LRRC4C: variants seen among roughly 807,000 people sequenced by gnomAD.
The protein encoded by LRRC4C is leucine rich repeat containing 4C.
A neutral mutation model predicts 33.6 loss-of-function variants in LRRC4C; 5 were observed. The observed-to-expected ratio is 0.15, with a 90% CI of 0.08 to 0.31. The LOEUF (loss-of-function observed/expected upper bound fraction) is 0.31, where lower values mean the gene tolerates loss of function less well. Among genes scored for constraint, LRRC4C ranks in the 10% least tolerant of loss-of-function variants. The pLI is 1.00. For missense variants in LRRC4C, 560 were observed against 796.7 expected (o/e 0.70, Z 3.58); for synonymous variants, 329 against 302.0 (o/e 1.09, Z -0.93).
rs552403155 is a variant in LRRC4C at position 41,439,158 on chromosome 11, C to T, written c.-496+20273G>A. ...CCTTGTAAATTCCTGATTCATTTCA[C>T]GTAGGATAATGGTCTCCAACTGCAT... On this transcript the variant is annotated intron_variant, in intron 1 of 6. Coordinates refer to ENST00000528697, the MANE Select transcript of LRRC4C (RefSeq NM_001258419.2). 1.8e-3 allele frequency among the ~76,000 whole-genome samples: 272 copies of T among 152,218 alleles called. 1 individual carries two copies. The highest frequency in any genetic ancestry group is 6.1e-3 in the African/African-American group (253 of 41,544).
At chr11:41,370,838 G>A (rs1406137442) in intron 1 of LRRC4C, among the ~76,000 whole-genome samples, 2 of 152,030 alleles carry the variant, frequency 1.3e-5, no homozygotes, top group African/African-American at 2.4e-5. Flanking sequence ...ACCACGCTTG[G>A]CCCACGTTAT....
At chr11:41,327,764 T>A (rs2137336028) in intron 1 of LRRC4C, among the ~76,000 whole-genome samples, 1 of 152,222 alleles carries the variant, frequency 6.6e-6, no homozygotes, top group Middle Eastern at 3.4e-3. Context: ...TGAATAAGTG[T>A]CATGAGATCT....
At chr11:41,316,180 C>T (rs1425670423) in intron 1 of LRRC4C, among the ~76,000 whole-genome samples, 1 of 146,108 alleles carries the variant, frequency 6.8e-6, no homozygotes, top group African/African-American at 2.5e-5. Context: ...GAATGATGTG[C>T]TCTTTCTCTA....
chr11:41,050,341 G>A (rs1858110737), intron 1 of LRRC4C, among the ~76,000 whole-genome samples: 2 of 152,108 alleles, frequency 1.3e-5, no homozygotes, highest in African/African-American at 2.4e-5. Context: ...CATGGGCCAT[G>A]TTACGTAGCT....
At chr11:40,213,084 C>T (rs980513221) in intron 5 of LRRC4C, among the ~76,000 whole-genome samples, 3 of 152,042 alleles carry the variant, frequency 2.0e-5, no homozygotes, top group Non-Finnish European at 2.9e-5. Flanking sequence ...ACCATAACTT[C>T]GGAGCAAAAC....
intron 1 of LRRC4C, among the ~76,000 whole-genome samples, chr11:40,954,700 T>C (rs1194603247): frequency 6.6e-6 from 1 of 151,884 alleles, no homozygotes; most frequent in Non-Finnish European, 1.5e-5. Flanking sequence ...ATTAATGCAA[T>C]AATAGAGTGA....
At chr11:41,157,677 C>CACAGCTT (rs1406761919) in intron 1 of LRRC4C, among the ~76,000 whole-genome samples, 1 of 152,106 alleles carries the variant, frequency 6.6e-6, no homozygotes, top group Non-Finnish European at 1.5e-5. Context: ...AAAATAAGCA[C>CACAGCTT]ACAGCTTTAT....
At chr11:40,975,523 G>A (rs1852021590) in intron 1 of LRRC4C, among the ~76,000 whole-genome samples, 1 of 152,160 alleles carries the variant, frequency 6.6e-6, no homozygotes, top group African/African-American at 2.4e-5. Context: ...TCATGATGAA[G>A]TTAAGTAGCC....
intron 2 of LRRC4C, among the ~76,000 whole-genome samples, chr11:40,843,569 T>A (rs2135671944): frequency 6.6e-6 from 1 of 152,328 alleles, no homozygotes; most frequent in Admixed American, 6.5e-5. Context: ...GGCAGAGAGC[T>A]TTCTCTATTC....
intron 3 of LRRC4C, among the ~76,000 whole-genome samples, chr11:40,576,023 T>C (rs1393983292): frequency 6.6e-6 from 1 of 152,220 alleles, no homozygotes; most frequent in East Asian, 1.9e-4. Context: ...TCATTTTCTT[T>C]TATTATCTTT....
intron 3 of LRRC4C, among the ~76,000 whole-genome samples, chr11:40,480,115 G>T (rs905089790): frequency 5.3e-5 from 8 of 152,088 alleles, no homozygotes; most frequent in Non-Finnish European, 1.2e-4. Flanking sequence ...CCATAAAACA[G>T]AGATATAAAG....
intron 3 of LRRC4C, among the ~76,000 whole-genome samples, chr11:40,605,775 C>G (rs1387093830): frequency 1.3e-5 from 2 of 152,192 alleles, no homozygotes; most frequent in African/African-American, 4.8e-5. Context: ...TGAACTAATA[C>G]TCTCTTCCTC....
At chr11:40,211,714 A>C (rs1017772666) in intron 5 of LRRC4C, among the ~76,000 whole-genome samples, 1 of 152,198 alleles carries the variant, frequency 6.6e-6, no homozygotes, top group Non-Finnish European at 1.5e-5. Flanking sequence ...CAAATGAGAT[A>C]TAAGCCAAAA....
chr11:40,967,963 C>A (rs1158592608), intron 1 of LRRC4C, among the ~76,000 whole-genome samples: 1 of 151,732 alleles, frequency 6.6e-6, no homozygotes, highest in Non-Finnish European at 1.5e-5. Context: ...CACTTTAAAT[C>A]CAAAGGTAGA....
chr11:40,494,115 G>A lies in LRRC4C; in HGVS notation c.-270+154027C>T, dbSNP rs1479339083. Among the ~76,000 whole-genome samples the A allele has an allele frequency of 3.3e-5, 5 of 151,998 alleles. No homozygotes were observed. In the East Asian group the frequency reaches 5.8e-4, roughly 18 times the overall value. ...AATCCTTCTCCATATTGCTACCATC[G>A]TGGGGTTCCACCATTCCCTCCACTT... On this transcript the variant is annotated intron_variant, in intron 3 of 6. Transcript: ENST00000528697.
At chr11:41,019,694 CTT>C (rs1228704596) in intron 1 of LRRC4C, among the ~76,000 whole-genome samples, 1 of 152,104 alleles carries the variant, frequency 6.6e-6, no homozygotes, top group African/African-American at 2.4e-5. Context: ...TGTTTCCTGA[CTT>C]TTTAATAATT....
chr11:41,265,822 A>G (rs1342770784), intron 1 of LRRC4C, among the ~76,000 whole-genome samples: 1 of 151,994 alleles, frequency 6.6e-6, no homozygotes, highest in Non-Finnish European at 1.5e-5. Context: ...TTAAAATACC[A>G]TAACACTGTT....
At chr11:40,696,301 GTA>G (rs1156312624) in intron 2 of LRRC4C, among the ~76,000 whole-genome samples, 4 of 91,394 alleles carry the variant, frequency 4.4e-5, no homozygotes, top group African/African-American at 9.5e-5. Flanking sequence ...TATATATATG[GTA>G]TATATATATG....
chr11:40,351,636 T>TC (rs747707401), intron 3 of LRRC4C: 1 of 152,024 alleles, frequency 6.6e-6, no homozygotes, highest in Non-Finnish European at 1.5e-5. Flanking sequence ...GTTATACTCT[T>TC]CCCCCCTTTC....
Sources: gnomAD v4.1 joint callset for allele counts (sites outside exome capture counted in the v4.1 genomes callset) on GRCh38, gnomAD v4.1.1 for gene constraint, MANE v1.5 for transcripts, NCBI Gene and HGNC (gene_info 2026-07-23, HGNC 2026-07-21) for gene names.